Variants in KCNMB2 observed in about 807,000 individuals in gnomAD.
KCNMB2 encodes the protein calcium-activated potassium channel subunit beta-2.
Under a neutral mutation model 24.5 loss-of-function variants are expected in KCNMB2, and 9 were observed. The observed-to-expected ratio is 0.37, with a 90% CI of 0.22 to 0.64. KCNMB2 has a LOEUF of 0.64. Ranked by LOEUF, KCNMB2 falls within the 30% of genes least tolerant of loss-of-function variation. The probability of loss-of-function intolerance (pLI) is 0.63; values close to 1 mark genes in which losing one functional copy is unlikely to be tolerated. For missense variants in KCNMB2, 226 were observed against 284.3 expected, an observed-to-expected ratio of 0.79 and a Z score of 1.47; for synonymous variants, 109 against 104.4, an observed-to-expected ratio of 1.04 and a Z score of -0.27.
At chr3:178,622,876 G>C (rs1718973493) in intron 1 of KCNMB2, among the ~76,000 whole-genome samples, 1 of 152,114 alleles carries the variant, frequency 6.6e-6, no homozygotes, top group African/African-American at 2.4e-5. Flanking sequence ...GGGAGGGATT[G>C]AATATGAGAA....
intron 1 of KCNMB2, among the ~76,000 whole-genome samples, chr3:178,609,564 T>C (rs1718404481): frequency 2.0e-5 from 3 of 152,170 alleles, no homozygotes; most frequent in African/African-American, 7.2e-5. Flanking sequence ...CAGATAAATG[T>C]CCTGGAAATT....
In KCNMB2 at chr3:178,797,598, C is replaced by T. The variant is rs145635592; in HGVS notation, c.-67-9745C>T. Reference sequence around the variant, plus strand: ...ACGCAAATCAATCAATGTGATACATCGTATAAACAGAATGAAGGACAAAAA... The same window carrying T: ...ACGCAAATCAATCAATGTGATACATTGTATAAACAGAATGAAGGACAAAAA... On this transcript the variant is annotated intron_variant, in intron 1 of 4. Transcript: ENST00000452583. 4.9e-4 allele frequency among the ~76,000 whole-genome samples: 74 copies of T among 152,206 alleles called. 1 individual carries two copies. In the East Asian group the frequency reaches 7.3e-3, roughly 15 times the overall value.
At chr3:178,798,445 T>C (rs1004378712) in intron 1 of KCNMB2, among the ~76,000 whole-genome samples, 1 of 152,108 alleles carries the variant, frequency 6.6e-6, no homozygotes, top group Non-Finnish European at 1.5e-5. Context: ...TGCAGCACTA[T>C]TCACAACAGC....
At chr3:178,667,808 A>C (rs183965509) in intron 1 of KCNMB2, among the ~76,000 whole-genome samples, 183 of 152,172 alleles carry the variant, frequency 1.2e-3, no homozygotes, top group African/African-American at 4.2e-3. Flanking sequence ...TGCCCCCTAA[A>C]GCCCCACTCT....
chr3:178,567,159 C>A (rs1459005779), intron 1 of KCNMB2, among the ~76,000 whole-genome samples: 1 of 152,112 alleles, frequency 6.6e-6, no homozygotes, highest in Admixed American at 6.6e-5. Flanking sequence ...TGACCAGAAG[C>A]AGAAAGATCA....
At chr3:178,798,905 G>T (rs553506224) in intron 1 of KCNMB2, among the ~76,000 whole-genome samples, 9 of 150,924 alleles carry the variant, frequency 6.0e-5, no homozygotes, top group Admixed American at 5.3e-4. Flanking sequence ...GAAAAAAAAA[G>T]AAATAAAAAT....
At position 178,755,104 on chromosome 3, in the gene KCNMB2, C is replaced by T. The variant is rs76297449; in HGVS notation, c.-67-52239C>T. 7.9e-3 allele frequency among the ~76,000 whole-genome samples: 1,207 copies of T among 152,332 alleles called. 15 individuals are homozygous for T. The highest frequency in any genetic ancestry group is 0.028 in the African/African-American group (1,174 of 41,572). ...CAGCAGCAAAGGAAGGGAAGCATGA[C>T]CAACAGCTATGAGAGTGCCGTTTCC... On this transcript the variant is annotated intron_variant, in intron 1 of 4. Coordinates refer to ENST00000452583, the MANE Select transcript of KCNMB2 (RefSeq NM_181361.3).
intron 4 of KCNMB2, among the ~76,000 whole-genome samples, chr3:178,832,266 A>G (rs1715082536): frequency 6.6e-6 from 1 of 151,836 alleles, no homozygotes; most frequent in Non-Finnish European, 1.5e-5. Flanking sequence ...TTTTTTTTCC[A>G]TTGTCTTCTG....
At chr3:178,711,295 A>T (rs1010025180) in intron 1 of KCNMB2, among the ~76,000 whole-genome samples, 7 of 152,196 alleles carry the variant, frequency 4.6e-5, no homozygotes, top group African/African-American at 1.7e-4. Context: ...ATTAAATATC[A>T]CAGTACAAGT....
At chr3:178,803,878 T>C (rs1009083514) in intron 1 of KCNMB2, among the ~76,000 whole-genome samples, 15 of 152,290 alleles carry the variant, frequency 9.8e-5, no homozygotes, top group East Asian at 5.8e-4. Flanking sequence ...AAGGGCCCTT[T>C]ATAAATTTCT....
chr3:178,594,840 CACA>C (rs1253184423), intron 1 of KCNMB2, among the ~76,000 whole-genome samples: 1 of 151,978 alleles, frequency 6.6e-6, no homozygotes, highest in Non-Finnish European at 1.5e-5. Flanking sequence ...TCCCAACTTA[CACA>C]ACAATACTAA....
intron 1 of KCNMB2, among the ~76,000 whole-genome samples, chr3:178,581,351 TA>T (rs1345448959): frequency 2.0e-5 from 3 of 152,156 alleles, no homozygotes; most frequent in African/African-American, 7.2e-5. Flanking sequence ...CCTTACACGT[TA>T]TACAAAAATT....
intron 1 of KCNMB2, among the ~76,000 whole-genome samples, chr3:178,757,288 G>A (rs114596763): frequency 1.9e-5 from 2 of 105,516 alleles, no homozygotes; most frequent in Non-Finnish European, 4.1e-5. Flanking sequence ...ATATATCCAA[G>A]AGGATATATA....
At chr3:178,703,773 T>C (rs79681660) in intron 1 of KCNMB2, among the ~76,000 whole-genome samples, 21,301 of 152,222 alleles carry the variant, frequency 0.14, 1,830 homozygotes, top group Admixed American at 0.22. Flanking sequence ...TCTTAGCTTT[T>C]CCATGTGGAA....
At chr3:178,551,011 G>A (rs1291639978) in intron 1 of KCNMB2, among the ~76,000 whole-genome samples, 3 of 152,154 alleles carry the variant, frequency 2.0e-5, no homozygotes, top group Non-Finnish European at 4.4e-5. Context: ...ATGAAAAAGC[G>A]GGAGACCATT....
At chr3:178,570,839 C>G (rs1716751389) in intron 1 of KCNMB2, among the ~76,000 whole-genome samples, 1 of 152,052 alleles carries the variant, frequency 6.6e-6, no homozygotes, top group South Asian at 2.1e-4. Context: ...GAGCTTTGAC[C>G]ACAAAGATAT....
At chr3:178,748,887 G>C (rs1393403110) in intron 1 of KCNMB2, 2 of 152,172 alleles carry the variant, frequency 1.3e-5, no homozygotes, top group African/African-American at 4.8e-5. Context: ...GAAGACAGGT[G>C]CTCATATTTA....
intron 1 of KCNMB2, among the ~76,000 whole-genome samples, chr3:178,613,165 A>G (rs768531631): frequency 6.6e-6 from 1 of 152,216 alleles, no homozygotes; most frequent in Non-Finnish European, 1.5e-5. Flanking sequence ...TGGGTGGCCA[A>G]GGTAAGAGTA....
At chr3:178,613,464 T>C (rs1268532498) in intron 1 of KCNMB2, among the ~76,000 whole-genome samples, 1 of 152,268 alleles carries the variant, frequency 6.6e-6, no homozygotes. Flanking sequence ...TGCTCATTAA[T>C]ATCCTTTTAT....
Sources: gnomAD v4.1 joint callset for allele counts (sites outside exome capture counted in the v4.1 genomes callset) on GRCh38, gnomAD v4.1.1 for gene constraint, MANE v1.5 for transcripts, NCBI Gene and HGNC (gene_info 2026-07-23, HGNC 2026-07-21) for gene names.